The following RNF150 variants were observed in gnomAD, a reference collection of about 807,000 sequenced individuals.
RNF150 encodes ring finger protein 150.
Under a neutral mutation model 39.3 loss-of-function variants are expected in RNF150, and 24 were observed. The ratio of observed to expected loss-of-function variants is 0.61; its 90% CI spans 0.44 to 0.86. The LOEUF is 0.86. Among genes scored for constraint, RNF150 ranks in the 40% least tolerant of loss-of-function variants. The pLI, the probability that RNF150 is intolerant of heterozygous loss-of-function variation, is 0.00. For synonymous variants in RNF150, 255 were observed against 227.3 expected, an observed-to-expected ratio of 1.12 and a Z score of -1.10; for missense variants, 502 against 587.8, an observed-to-expected ratio of 0.85 and a Z score of 1.51.
At chr4:140,965,606 A>T (rs1266485867) in intron 2 of RNF150, among the ~76,000 whole-genome samples, 2 of 152,128 alleles carry the variant, frequency 1.3e-5, no homozygotes, top group Admixed American at 1.3e-4. Context: ...ATTTGCCACA[A>T]CATAGATGGG....
rs1455467556 is a variant in RNF150 at position 140,891,843 on chromosome 4, C to T, written c.1198+19301G>A. On this transcript the variant is annotated intron_variant, in intron 6 of 6. Transcript: ENST00000515673. ...CCTCCTGTCAGCAGAGCATTTGATT[C>T]TCATAGGAGCAGGAACCCTATTGTG... 5.9e-5 allele frequency among the ~76,000 whole-genome samples: 9 copies of T among 152,270 alleles called. No individual in the cohort carries two copies. In the East Asian group the frequency reaches 1.7e-3, roughly 29 times the overall value.
chr4:141,186,748 T>G (rs932457692), intron 1 of RNF150, among the ~76,000 whole-genome samples: 1 of 152,104 alleles, frequency 6.6e-6, no homozygotes, highest in Admixed American at 6.5e-5. Context: ...TTCTCTCTCT[T>G]CTTTTTAGTC....
intron 5 of RNF150, among the ~76,000 whole-genome samples, chr4:140,919,767 C>T (rs140263158): frequency 0.011 from 1,314 of 124,350 alleles, 23 homozygotes; most frequent in African/African-American, 0.031. Flanking sequence ...GGAGACATCA[C>T]GCTACCTGAC....
At chr4:140,907,417 T>G (rs1388623544) in intron 6 of RNF150, among the ~76,000 whole-genome samples, 2 of 152,192 alleles carry the variant, frequency 1.3e-5, no homozygotes, top group Non-Finnish European at 2.9e-5. Context: ...TTTCATTTTT[T>G]TTTTCCTGGG....
chr4:140,898,057 A>G (rs893051149), intron 6 of RNF150, among the ~76,000 whole-genome samples: 2 of 152,126 alleles, frequency 1.3e-5, no homozygotes, highest in African/African-American at 4.8e-5. Flanking sequence ...CTATCTGATC[A>G]TGTTCCTTGA....
chr4:141,141,101 T>C (rs1727111291), intron 1 of RNF150, among the ~76,000 whole-genome samples: 1 of 152,182 alleles, frequency 6.6e-6, no homozygotes, highest in Admixed American at 6.5e-5. Flanking sequence ...TGACTAGTTC[T>C]CTCACCACAT....
intron 1 of RNF150, among the ~76,000 whole-genome samples, chr4:141,065,632 G>A: frequency 6.6e-6 from 1 of 151,982 alleles, no homozygotes; most frequent in African/African-American, 2.4e-5. Context: ...AGCTGTATAT[G>A]TGCTAGGAAG....
intron 1 of RNF150, among the ~76,000 whole-genome samples, chr4:141,066,818 G>A (rs1250460506): frequency 3.9e-5 from 6 of 152,244 alleles, no homozygotes; most frequent in East Asian, 1.9e-4. Flanking sequence ...ACAGTCATGC[G>A]TCACTTAACA....
intron 1 of RNF150, among the ~76,000 whole-genome samples, chr4:141,178,773 T>C (rs1195984557): frequency 6.8e-6 from 1 of 146,136 alleles, no homozygotes; most frequent in Non-Finnish European, 1.5e-5. Context: ...AAGTTCAATA[T>C]TGTTCATGTT....
At chr4:141,176,053 A>T (rs1429654360) in intron 1 of RNF150, among the ~76,000 whole-genome samples, 2 of 144,914 alleles carry the variant, frequency 1.4e-5, no homozygotes, top group African/African-American at 5.1e-5. Context: ...TGGTGGGCTA[A>T]TTTTTTTTTT....
chr4:140,924,206 G>T (rs558540989), intron 5 of RNF150, among the ~76,000 whole-genome samples: 2 of 152,066 alleles, frequency 1.3e-5, no homozygotes, highest in East Asian at 1.9e-4. Flanking sequence ...AATCCTATCC[G>T]ACTTGTTAGG....
intron 1 of RNF150, among the ~76,000 whole-genome samples, chr4:141,207,666 A>G (rs1728395744): frequency 6.6e-6 from 1 of 152,216 alleles, no homozygotes; most frequent in Admixed American, 6.5e-5. Flanking sequence ...TGTGGAATCC[A>G]AAGAAGAGAA....
At chr4:141,052,564 T>C (rs1578673542) in intron 1 of RNF150, among the ~76,000 whole-genome samples, 1 of 152,184 alleles carries the variant, frequency 6.6e-6, no homozygotes, top group East Asian at 1.9e-4. Flanking sequence ...TTAGTAGAGA[T>C]GGGGTTTCAC....
At chr4:140,873,948 G>A (rs1347544094) in intron 6 of RNF150, among the ~76,000 whole-genome samples, 2 of 152,142 alleles carry the variant, frequency 1.3e-5, no homozygotes, top group Non-Finnish European at 2.9e-5. Context: ...TTACAGGCAT[G>A]AGCCACCATG....
chr4:141,169,266 G>A (rs187776959), intron 1 of RNF150, among the ~76,000 whole-genome samples: 138 of 152,132 alleles, frequency 9.1e-4, no homozygotes, highest in African/African-American at 3.2e-3. Flanking sequence ...TGGGCATGTA[G>A]GACGTGTCTA....
At chr4:140,941,856 T>C (rs1196702006) in intron 4 of RNF150, among the ~76,000 whole-genome samples, 2 of 152,102 alleles carry the variant, frequency 1.3e-5, no homozygotes, top group Admixed American at 6.5e-5. Context: ...GGGTTTTGAG[T>C]GTGTAAATAC....
At chr4:141,145,397 T>A (rs1049046740) in intron 1 of RNF150, among the ~76,000 whole-genome samples, 15 of 152,212 alleles carry the variant, frequency 9.9e-5, no homozygotes, top group Admixed American at 3.9e-4. Context: ...TAGCTTAATA[T>A]GATGCTGGAA....
At chr4:140,995,679 T>G (rs1244775328) in intron 1 of RNF150, among the ~76,000 whole-genome samples, 1 of 152,154 alleles carries the variant, frequency 6.6e-6, no homozygotes, top group Non-Finnish European at 1.5e-5. Flanking sequence ...CTCCATGAGT[T>G]CAGTTGTTTT....
chr4:141,118,849 C>T (rs948574763), intron 1 of RNF150, among the ~76,000 whole-genome samples: 3 of 152,152 alleles, frequency 2.0e-5, no homozygotes, highest in African/African-American at 7.2e-5. Context: ...CAACCTCCGA[C>T]TCCTGGGTTC....
Sources: allele counts gnomAD v4.1 joint callset (sites outside exome capture counted in the v4.1 genomes callset), GRCh38; gene constraint gnomAD v4.1.1; transcripts MANE v1.5; gene names NCBI Gene and HGNC (gene_info 2026-07-23, HGNC 2026-07-21).